The following TCP11L2 variants were observed in gnomAD, a reference collection of about 807,000 sequenced individuals.
TCP11L2 encodes the protein t-complex 11 like 2.
Under a neutral mutation model 50.7 loss-of-function variants are expected in TCP11L2, and 39 were observed. That is an observed-to-expected ratio of 0.77 (90% CI 0.60 to 1.01). The LOEUF (loss-of-function observed/expected upper bound fraction) is 1.01. Ranked by LOEUF, TCP11L2 falls within the 50% of genes least tolerant of loss-of-function variation. TCP11L2 has a pLI of 0.00. For missense variants in TCP11L2, 612 were observed against 614.7 expected (o/e 1.00, Z 0.05); for synonymous variants, 192 against 219.3 (o/e 0.88, Z 1.10).
At chr12:106,299,517 A>T (rs773390298), upstream of TCP11L2, among the ~76,000 whole-genome samples, 1 of 152,198 alleles carries the variant, frequency 6.6e-6, no homozygotes, top group East Asian at 1.9e-4. Flanking sequence ...AAGAATCTCA[A>T]CACAACAGCA....
upstream of TCP11L2, among the ~76,000 whole-genome samples, chr12:106,301,564 T>G (rs1335412949): frequency 6.6e-6 from 1 of 152,246 alleles, no homozygotes; most frequent in African/African-American, 2.4e-5. Context: ...TGTTGCCTGT[T>G]GTTTGTTGTT....
At chr12:106,311,013 T>C in intron 1 of TCP11L2, 28 bp from the exon 2 acceptor site, 18 of 1,567,580 alleles carry the variant, frequency 1.1e-5, no homozygotes, top group Non-Finnish European at 1.5e-5. Flanking sequence ...CCACAGAACA[T>C]TGACGCAGGG....
intron 5 of TCP11L2, among the ~76,000 whole-genome samples, chr12:106,322,535 G>A (rs1942911730): frequency 6.6e-6 from 1 of 152,212 alleles, no homozygotes; most frequent in African/African-American, 2.4e-5. Flanking sequence ...GAAGTGGGGT[G>A]CATATTATGT....
chr12:106,345,161 A>C (rs1269228177), intron 9 of TCP11L2, among the ~76,000 whole-genome samples: 1 of 152,010 alleles, frequency 6.6e-6, no homozygotes, highest in African/African-American at 2.4e-5. Context: ...TGCCTGGCTA[A>C]TTTTTAAATT....
intron 3 of TCP11L2, among the ~76,000 whole-genome samples, chr12:106,317,935 G>A (rs1565844343): frequency 6.6e-6 from 1 of 152,196 alleles, no homozygotes; most frequent in Non-Finnish European, 1.5e-5. Flanking sequence ...ATGTGCCCTT[G>A]GGGCCAATCT....
intron 2 of TCP11L2, chr12:106,312,573 C>A: frequency 2.9e-6 from 1 of 344,890 alleles, no homozygotes; most frequent in Non-Finnish European, 4.3e-6. Flanking sequence ...CCCTGATCCT[C>A]CTCCTCATCT....
chr12:106,344,682 A>G (rs1297111494), intron 9 of TCP11L2, among the ~76,000 whole-genome samples: 1 of 152,238 alleles, frequency 6.6e-6, no homozygotes, highest in Admixed American at 6.5e-5. Context: ...AGTTGTCTAT[A>G]TTCAATGTGG....
At chr12:106,309,804 A>C (rs894585767) in intron 1 of TCP11L2, among the ~76,000 whole-genome samples, 1 of 151,960 alleles carries the variant, frequency 6.6e-6, no homozygotes, top group Non-Finnish European at 1.5e-5. Flanking sequence ...TCAGTGCTCA[A>C]GTAGGCACTT....
intron 1 of TCP11L2, among the ~76,000 whole-genome samples, chr12:106,305,226 C>T (rs149196594): frequency 6.6e-6 from 1 of 151,888 alleles, no homozygotes; most frequent in East Asian, 2.0e-4. Flanking sequence ...CATTAGCTAA[C>T]AAGGTTATAA....
chr12:106,316,228 A>G (rs2035073741), intron 3 of TCP11L2, among the ~76,000 whole-genome samples: 2 of 143,146 alleles, frequency 1.4e-5, no homozygotes, highest in African/African-American at 5.1e-5. Context: ...CTCCTTTCTT[A>G]GCCCCCAACA....
At chr12:106,343,659 C>CTT (rs35408125) in intron 9 of TCP11L2, among the ~76,000 whole-genome samples, 7 of 146,970 alleles carry the variant, frequency 4.8e-5, no homozygotes, top group African/African-American at 1.8e-4. Context: ...CCTACGTCTA[C>CTT]TTTTTTTTTT....
intron 1 of TCP11L2, chr12:106,303,783 G>A (rs967749447): frequency 2.6e-5 from 4 of 152,152 alleles, no homozygotes; most frequent in Middle Eastern, 3.2e-3. Flanking sequence ...ATATTTAAAT[G>A]CAAAAATCTA....
chr12:106,325,377 G>T (rs888530653), intron 6 of TCP11L2: 6 of 152,386 alleles, frequency 3.9e-5, no homozygotes. Flanking sequence ...TCTAACAATG[G>T]AGACTATGAG....
chr12:106,319,078 A>AT (rs1428700749), intron 4 of TCP11L2, among the ~76,000 whole-genome samples: 6 of 151,810 alleles, frequency 4.0e-5, no homozygotes, highest in Non-Finnish European at 8.8e-5. Flanking sequence ...CGCCCAGCTA[A>AT]TTTTTTGTAT....
At chr12:106,304,928 C>G (rs773260319) in intron 1 of TCP11L2, among the ~76,000 whole-genome samples, 1 of 152,084 alleles carries the variant, frequency 6.6e-6, no homozygotes, top group Non-Finnish European at 1.5e-5. Context: ...TCAGTGATGC[C>G]CTTCACAGAA....
intron 6 of TCP11L2, chr12:106,330,261 G>A (rs369010066): frequency 1.0e-6 from 1 of 985,016 alleles, no homozygotes; most frequent in Non-Finnish European, 1.2e-6. Flanking sequence ...TGATGTAAGA[G>A]ACATTTTATT....
intron 3 of TCP11L2, 42 bp downstream of exon 3, chr12:106,314,535 C>CTG (rs55918458): frequency 0.02 from 14,369 of 704,324 alleles, 275 homozygotes; most frequent in East Asian, 0.09. Context: ...GCTGAAGATT[C>CTG]TGTGTGTGTG....
intron 4 of TCP11L2, 144 bp downstream of exon 4, chr12:106,318,608 C>T (rs887065918): frequency 2.0e-6 from 2 of 1,016,120 alleles, no homozygotes; most frequent in Non-Finnish European, 2.7e-6. Context: ...ATCAAAGCAC[C>T]ACCAGATTCG....
intron 6 of TCP11L2, among the ~76,000 whole-genome samples, chr12:106,332,979 G>A (rs2035796213): frequency 6.6e-6 from 1 of 152,198 alleles, no homozygotes; most frequent in South Asian, 2.1e-4. Context: ...AGAATTTAGG[G>A]TTGAGGTGAG....
Sources: allele counts gnomAD v4.1 joint callset (sites outside exome capture counted in the v4.1 genomes callset), GRCh38; gene constraint gnomAD v4.1.1; transcripts MANE v1.5; gene names NCBI Gene and HGNC (gene_info 2026-07-23, HGNC 2026-07-21).